The following DLG2 variants were observed in gnomAD, a reference collection of about 807,000 sequenced individuals.
DLG2 encodes the protein discs large MAGUK scaffold protein 2.
In DLG2, 45 loss-of-function variants were observed where a neutral mutation model predicts 132.5. That is an observed-to-expected ratio of 0.34 (90% CI 0.27 to 0.44). The LOEUF is 0.44. Ranked by LOEUF, DLG2 falls within the 20% of genes least tolerant of loss-of-function variation. The pLI, the probability that DLG2 is intolerant of heterozygous loss-of-function variation, is 1.00. For missense variants in DLG2, 1,045 were observed against 1,196.9 expected, an observed-to-expected ratio of 0.87 and a Z score of 1.87; for synonymous variants, 424 against 419.6, an observed-to-expected ratio of 1.01 and a Z score of -0.13.
chr11:83,523,598 A>G (rs545641850), intron 21 of DLG2, among the ~76,000 whole-genome samples: 2 of 152,332 alleles, frequency 1.3e-5, no homozygotes, highest in African/African-American at 4.8e-5. Flanking sequence ...GGGCATATTT[A>G]TAATATTTAC....
intron 3 of DLG2, among the ~76,000 whole-genome samples, chr11:85,518,258 G>A (rs1168203401): frequency 6.6e-6 from 1 of 152,172 alleles, no homozygotes; most frequent in Non-Finnish European, 1.5e-5. Flanking sequence ...GGAAAGTTCG[G>A]AACTTCCTGG....
intron 19 of DLG2, among the ~76,000 whole-genome samples, chr11:83,545,035 C>T (rs2096200997): frequency 1.3e-5 from 2 of 152,090 alleles, no homozygotes; most frequent in Admixed American, 1.3e-4. Flanking sequence ...TCCCCAAAGT[C>T]CTTGAACTGC....
chr11:85,620,769 G>A (rs561563944), intron 2 of DLG2, among the ~76,000 whole-genome samples: 2 of 152,316 alleles, frequency 1.3e-5, no homozygotes, highest in East Asian at 3.9e-4. Context: ...AGCCAGCAAA[G>A]GTTGGTTCAT....
intron 6 of DLG2, among the ~76,000 whole-genome samples, chr11:84,922,084 C>T (rs1235382088): frequency 6.6e-6 from 1 of 151,190 alleles, no homozygotes; most frequent in Non-Finnish European, 1.5e-5. Flanking sequence ...TTTAATAAAA[C>T]TTGCAAACAC....
At chr11:83,539,075 C>T (rs2095982453) in intron 20 of DLG2, among the ~76,000 whole-genome samples, 1 of 152,152 alleles carries the variant, frequency 6.6e-6, no homozygotes, top group Non-Finnish European at 1.5e-5. Flanking sequence ...AGGATAATAA[C>T]AGCAACTTAC....
intron 7 of DLG2, among the ~76,000 whole-genome samples, chr11:84,328,107 T>C (rs949269722): frequency 3.3e-5 from 5 of 152,170 alleles, no homozygotes; most frequent in African/African-American, 1.2e-4. Flanking sequence ...TAGGAGAGTG[T>C]GGAGGCCCTA....
At chr11:83,894,864 G>C (rs1343687889) in intron 15 of DLG2, among the ~76,000 whole-genome samples, 2 of 152,014 alleles carry the variant, frequency 1.3e-5, no homozygotes, top group African/African-American at 2.4e-5. Flanking sequence ...CACCGTTTTA[G>C]CTCCCACTTA....
At chr11:85,386,123 A>C (rs1282656527) in intron 3 of DLG2, among the ~76,000 whole-genome samples, 1 of 152,218 alleles carries the variant, frequency 6.6e-6, no homozygotes, top group Non-Finnish European at 1.5e-5. Flanking sequence ...CTTGGAGGAA[A>C]TATGAAATTG....
At chr11:85,425,858 C>T (rs184540217) in intron 3 of DLG2, among the ~76,000 whole-genome samples, 76 of 152,244 alleles carry the variant, frequency 5.0e-4, no homozygotes, top group South Asian at 2.5e-3. Flanking sequence ...ACCCAGGAAG[C>T]GCAAGGGGTC....
chr11:83,708,113 T>C (rs1211103076), intron 18 of DLG2, among the ~76,000 whole-genome samples: 1 of 152,216 alleles, frequency 6.6e-6, no homozygotes, highest in Admixed American at 6.5e-5. Context: ...CACATGGCAA[T>C]CTTGCAATAA....
chr11:85,051,418 T>C (rs909568102), intron 6 of DLG2, among the ~76,000 whole-genome samples: 1 of 152,172 alleles, frequency 6.6e-6, no homozygotes, highest in Admixed American at 6.6e-5. Flanking sequence ...GAAATATAAA[T>C]TTAAAATGTA....
intron 3 of DLG2, among the ~76,000 whole-genome samples, chr11:85,343,823 T>C (rs2082658887): frequency 6.6e-6 from 1 of 152,194 alleles, no homozygotes; most frequent in Non-Finnish European, 1.5e-5. Context: ...GTGTAAATGT[T>C]GCTATTAGGT....
At chr11:84,373,257 A>AAAAC (rs1567448613) in intron 7 of DLG2, among the ~76,000 whole-genome samples, 13 of 95,122 alleles carry the variant, frequency 1.4e-4, no homozygotes, top group African/African-American at 4.1e-4. Flanking sequence ...GTCAAAAAAA[A>AAAAC]AAAAAAACAA....
intron 3 of DLG2, among the ~76,000 whole-genome samples, chr11:85,509,123 T>G (rs1019682406): frequency 1.3e-5 from 2 of 152,052 alleles, no homozygotes; most frequent in African/African-American, 2.4e-5. Flanking sequence ...CACAGAAAAT[T>G]TCGCAGTGAG....
At chr11:85,132,887 A>G (rs1003930922) in intron 5 of DLG2, 2 of 456,424 alleles carry the variant, frequency 4.4e-6, no homozygotes, top group South Asian at 3.1e-5. Flanking sequence ...GCACACAGAA[A>G]GAAGCAGAGC....
At chr11:85,346,503 T>C (rs1018395331) in intron 3 of DLG2, among the ~76,000 whole-genome samples, 2 of 152,264 alleles carry the variant, frequency 1.3e-5, no homozygotes, top group Admixed American at 1.3e-4. Context: ...TCTTAATTAC[T>C]ATATTTTGCA....
intron 6 of DLG2, among the ~76,000 whole-genome samples, chr11:85,047,607 C>A (rs879914827): frequency 6.6e-6 from 1 of 151,632 alleles, no homozygotes; most frequent in Non-Finnish European, 1.5e-5. Context: ...TTCTCATCTG[C>A]AAGATGGGAA....
At position 83,880,388 on chromosome 11, in the gene DLG2, G is replaced by T. The variant is rs540424288; in HGVS notation, c.1497-5900C>A. On this transcript the variant is annotated intron_variant, in intron 15 of 27. Transcript: ENST00000376104. ...GCAGTAAAAATTAAGAAAAGAGAAT[G>T]TATTTAATACATTTAGAGGTAGAAT... is the stretch of plus-strand genomic sequence containing the variant. Among the ~76,000 whole-genome samples, 5 of 152,250 alleles carry T rather than the reference G, an allele frequency of 3.3e-5. No individual in the cohort carries two copies. The East Asian group carries it at 9.6e-4, about 29-fold the overall frequency.
At position 84,812,082 on chromosome 11, in the gene DLG2, G is replaced by A. The variant is rs180793000; in HGVS notation, c.358-277351C>T. 1.6e-4 allele frequency among the ~76,000 whole-genome samples: 25 copies of A among 152,174 alleles called. 2 individuals are homozygous for A. The highest frequency in any genetic ancestry group is 6.2e-4 in the South Asian group (3 of 4,818). ...TCTAGGTTAAGATATAGATAAAAGC[G>A]TTTCAGACACTGAAGATAGAAACAG... On this transcript the variant is annotated intron_variant, in intron 6 of 27. Coordinates refer to ENST00000376104, the MANE Select transcript of DLG2 (RefSeq NM_001142699.3).
Sources: gnomAD v4.1 joint callset for allele counts (sites outside exome capture counted in the v4.1 genomes callset) on GRCh38, gnomAD v4.1.1 for gene constraint, MANE v1.5 for transcripts, NCBI Gene and HGNC (gene_info 2026-07-23, HGNC 2026-07-21) for gene names.